The following LRIG1 variants were observed in gnomAD, a reference collection of about 807,000 sequenced individuals.
LRIG1 encodes the protein leucine rich repeats and immunoglobulin like domains 1, also known as leucine-rich repeats and immunoglobulin-like domains protein 1.
Under a neutral mutation model 99.2 loss-of-function variants are expected in LRIG1, and 48 were observed. The observed-to-expected ratio is 0.48, with a 90% confidence interval of 0.38 to 0.62. The LOEUF is 0.62. LRIG1 is among the 20% of genes least tolerant of loss of function. The pLI is 0.00. For missense variants in LRIG1, 1,646 were observed against 1,434.4 expected (o/e 1.15, Z -2.38); for synonymous variants, 772 against 596.1 (o/e 1.29, Z -4.30).
chr3:66,496,381 A>C (rs1701228493), intron 1 of LRIG1, among the ~76,000 whole-genome samples: 1 of 152,224 alleles, frequency 6.6e-6, no homozygotes, highest in African/African-American at 2.4e-5. Context: ...AGCAAGACTT[A>C]AACAGTGTGC....
At chr3:66,475,466 A>G (rs1056564121) in intron 1 of LRIG1, among the ~76,000 whole-genome samples, 7 of 152,168 alleles carry the variant, frequency 4.6e-5, no homozygotes, top group Admixed American at 3.9e-4. Context: ...TACTCCAGCT[A>G]AGTCTCCCCA....
At chr3:66,412,481 A>G (rs1353989064) in intron 6 of LRIG1, among the ~76,000 whole-genome samples, 1 of 152,202 alleles carries the variant, frequency 6.6e-6, no homozygotes, top group Non-Finnish European at 1.5e-5. Context: ...ACTTCCCCCA[A>G]GTGGATTTCA....
At chr3:66,414,837 G>GC in intron 5 of LRIG1, 83 bp downstream of exon 5, 1 of 1,311,854 alleles carries the variant, frequency 7.6e-7, no homozygotes, top group Non-Finnish European at 1.0e-6. Flanking sequence ...GGAAAGGGTG[G>GC]CGTTTGGTAC....
chr3:66,394,086 C>T lies in LRIG1; in HGVS notation c.1422G>A (p.Leu474=), dbSNP rs772359423. Residue 474 remains leucine, a synonymous_variant, in exon 12 of 19, where the codon CTG becomes CTA. Coordinates refer to ENST00000273261, the MANE Select transcript of LRIG1 (RefSeq NM_015541.3). ...VTATCAHPES[L]KGQSIFSVPP... Reference sequence around the variant, plus strand: ...GCACAGAGAAAATGCTCTGACCCTTCAGTGATTCTGGGTGGGCACAGGTGG... The same window carrying T: ...GCACAGAGAAAATGCTCTGACCCTTTAGTGATTCTGGGTGGGCACAGGTGG... The T allele has an allele frequency of 1.2e-6, 2 of 1,614,120 alleles. No individual in the cohort carries two copies. The highest frequency in any genetic ancestry group is 1.1e-5 in the South Asian group (1 of 91,034).
intron 1 of LRIG1, among the ~76,000 whole-genome samples, chr3:66,490,471 G>A (rs1002323717): frequency 6.6e-6 from 1 of 152,174 alleles, no homozygotes. Flanking sequence ...CACAGACACA[G>A]AGAAAAATTC....
In LRIG1 at chr3:66,379,507, G is replaced by A. The variant is rs984164938; in HGVS notation, c.*756C>T. ...ATTTGCTTTTATCATAAAATAAGAG[G>A]AGGAGGAAAGGCAGTGTTTAACTGT... On this transcript the variant is annotated 3_prime_UTR_variant, in exon 19 of 19. Coordinates refer to ENST00000273261, the MANE Select transcript of LRIG1 (RefSeq NM_015541.3). The A allele has an allele frequency of 3.3e-5, 5 of 152,072 alleles. No individual in the cohort carries two copies. Among genetic ancestry groups the A allele is most frequent in the Non-Finnish European group, 1.5e-5 (1 of 68,030 alleles). 9.4% of individuals were successfully genotyped at this position (152,072 alleles called of 1,614,324 possible).
Position 66,392,765 on chromosome 3 carries a change from G to T in LRIG1, c.1468+1275C>A, listed in dbSNP as rs1338809767. Among the ~76,000 whole-genome samples, 7 of 152,310 alleles carry T rather than the reference G, an allele frequency of 4.6e-5. No homozygotes were observed. The South Asian group carries it at 1.2e-3, about 27-fold the overall frequency. On this transcript the variant is annotated intron_variant, in intron 12 of 18. Coordinates refer to ENST00000273261, the MANE Select transcript of LRIG1 (RefSeq NM_015541.3). The stretch of plus-strand genomic sequence containing the variant: ...GGAAAGCCTGCCCTATGGCAGGAAA[G>T]GGGAGGGAGCGATGGAAAGCTTTAT...
intron 2 of LRIG1, among the ~76,000 whole-genome samples, chr3:66,452,714 T>G (rs751857114): frequency 2.0e-4 from 31 of 152,120 alleles, no homozygotes; most frequent in Non-Finnish European, 4.1e-4. Flanking sequence ...AATAATCTGG[T>G]TGTCTGCCAT....
Position 66,464,505 on chromosome 3 carries a change from T to TAAA in LRIG1, c.219-1999_219-1997dup, listed in dbSNP as rs67690348. ...GCCCATTCAGGGTTGCTTTATTACT[T>TAAA]AAAAAAAAAAAAAAAACTGAAAAGA... On this transcript the variant is annotated intron_variant, in intron 1 of 18. Coordinates refer to ENST00000273261, the MANE Select transcript of LRIG1 (RefSeq NM_015541.3). Among the ~76,000 whole-genome samples, 290 of 145,264 alleles carry TAAA rather than the reference T, an allele frequency of 2.0e-3. 3 individuals carry two copies. Among genetic ancestry groups the TAAA allele is most frequent in the Middle Eastern group, 7.2e-3 (2 of 278 alleles).
chr3:66,416,998 A>T, intron 4 of LRIG1, 131 bp downstream of exon 4: 1 of 1,236,612 alleles, frequency 8.1e-7, no homozygotes, highest in Non-Finnish European at 1.1e-6. Context: ...AACCATCCCC[A>T]CTGACTCGGC....
chr3:66,496,536 A>C (rs1701231977), intron 1 of LRIG1, among the ~76,000 whole-genome samples: 1 of 152,196 alleles, frequency 6.6e-6, no homozygotes, highest in Non-Finnish European at 1.5e-5. Context: ...GCTCAAGCTA[A>C]AGTTCCCTGA....
intron 9 of LRIG1, chr3:66,401,706 G>C: frequency 2.0e-6 from 3 of 1,490,936 alleles, no homozygotes; most frequent in Non-Finnish European, 2.7e-6. Context: ...AGGAGAGGCG[G>C]GATTATGGGC....
At chr3:66,486,510 T>TG (rs1700978527) in intron 1 of LRIG1, among the ~76,000 whole-genome samples, 1 of 152,208 alleles carries the variant, frequency 6.6e-6, no homozygotes, top group Admixed American at 6.5e-5. Flanking sequence ...TGCACTGCTC[T>TG]GGGCTTTTCA....
chr3:66,397,131 G>A (rs1701879683), intron 11 of LRIG1, among the ~76,000 whole-genome samples: 1 of 152,222 alleles, frequency 6.6e-6, no homozygotes, highest in Non-Finnish European at 1.5e-5. Context: ...CAGCAGGCCT[G>A]AGGCTCACAG....
chr3:66,432,133 C>T (rs1177576031), intron 3 of LRIG1, among the ~76,000 whole-genome samples: 1 of 151,412 alleles, frequency 6.6e-6, no homozygotes, highest in Non-Finnish European at 1.5e-5. Context: ...TTGGTACAGC[C>T]CAGGGTGGCC....
At chr3:66,460,793 C>G (rs1249256626) in intron 2 of LRIG1, among the ~76,000 whole-genome samples, 2 of 152,240 alleles carry the variant, frequency 1.3e-5, no homozygotes, top group African/African-American at 4.8e-5. Context: ...CTCACTGATC[C>G]TCTGGGAGAA....
At chr3:66,386,638 C>T (rs1701389535) in intron 12 of LRIG1, 3 of 277,824 alleles carry the variant, frequency 1.1e-5, no homozygotes, top group Non-Finnish European at 2.1e-5. Context: ...AGTCAGGCAC[C>T]ACTGGTCATG....
intron 3 of LRIG1, among the ~76,000 whole-genome samples, chr3:66,418,956 T>G (rs1331206685): frequency 6.6e-6 from 1 of 152,182 alleles, no homozygotes; most frequent in Non-Finnish European, 1.5e-5. Context: ...GAGTTCTTTA[T>G]TAAGTTCTTT....
At chr3:66,468,349 C>T (rs1700521635) in intron 1 of LRIG1, among the ~76,000 whole-genome samples, 1 of 152,192 alleles carries the variant, frequency 6.6e-6, no homozygotes, top group Non-Finnish European at 1.5e-5. Context: ...AAGAGGAGCG[C>T]AACCCATGGC....
Sources: allele counts gnomAD v4.1 joint callset (sites outside exome capture counted in the v4.1 genomes callset), GRCh38; gene constraint gnomAD v4.1.1; transcripts MANE v1.5; gene names NCBI Gene and HGNC (gene_info 2026-07-23, HGNC 2026-07-21).